Variants in DOCK9 observed in about 807,000 individuals in gnomAD.
DOCK9 encodes dedicator of cytokinesis 9, also known as dedicator of cytokinesis protein 9.
A neutral mutation model predicts 263.3 loss-of-function variants in DOCK9; 89 were observed. The ratio of observed to expected loss-of-function variants is 0.34; its 90% CI spans 0.28 to 0.40. DOCK9 has a LOEUF of 0.40. Ranked by LOEUF, DOCK9 falls within the 10% of genes least tolerant of loss-of-function variation. The probability of loss-of-function intolerance (pLI) is 1.00; values close to 1 mark genes in which losing one functional copy is unlikely to be tolerated. For missense variants in DOCK9, 2,140 were observed against 2,603.4 expected, an observed-to-expected ratio of 0.82 and a Z score of 3.87; for synonymous variants, 976 against 973.1, an observed-to-expected ratio of 1.00 and a Z score of -0.06.
Position 98,950,040 on chromosome 13 carries a change from C to T in DOCK9, c.243+5395G>A. 6.4e-6 allele frequency: 3 copies of T among 471,822 alleles called. No individual in the cohort carries two copies. In the Admixed American group the frequency reaches 7.9e-5, roughly 12 times the overall value. The allele number at this position is 471,822 out of a possible 1,614,324, so 29.2% of individuals were successfully genotyped here. ...CTTTAGATTGGAAATCCCCAGTTCA[C>T]ATAAGGTTCTACTATAAGCAACATT... On this transcript the variant is annotated intron_variant, in intron 2 of 52. Transcript: ENST00000682017.
intron 27 of DOCK9, among the ~76,000 whole-genome samples, chr13:98,879,075 G>T (rs1181678782): frequency 6.6e-6 from 1 of 152,182 alleles, no homozygotes; most frequent in African/African-American, 2.4e-5. Flanking sequence ...CCAGGACTCT[G>T]CAGGTCTCAG....
intron 44 of DOCK9, among the ~76,000 whole-genome samples, chr13:98,824,786 G>A (rs1173371412): frequency 2.0e-5 from 3 of 152,046 alleles, no homozygotes; most frequent in African/African-American, 7.2e-5. Context: ...CTGAGAAATA[G>A]GTATTAAATC....
chr13:98,904,995 A>G (rs957385739), intron 9 of DOCK9, among the ~76,000 whole-genome samples: 2 of 152,234 alleles, frequency 1.3e-5, no homozygotes, highest in African/African-American at 4.8e-5. Flanking sequence ...GTGTGTCAAG[A>G]AAGGCTTCAT....
chr13:98,970,560 A>G (rs762431721), intron 1 of DOCK9, among the ~76,000 whole-genome samples: 18 of 152,146 alleles, frequency 1.2e-4, no homozygotes, highest in Non-Finnish European at 2.6e-4. Flanking sequence ...CTCCATATTA[A>G]GGAAATCCCA....
At chr13:99,050,180 G>A (rs868380385) in intron 1 of DOCK9, among the ~76,000 whole-genome samples, 1 of 152,132 alleles carries the variant, frequency 6.6e-6, no homozygotes, top group Non-Finnish European at 1.5e-5. Flanking sequence ...CACATAGCAT[G>A]TGTAGTTTAT....
intron 1 of DOCK9, among the ~76,000 whole-genome samples, chr13:98,986,823 T>C (rs915305741): frequency 6.6e-6 from 1 of 152,116 alleles, no homozygotes; most frequent in Non-Finnish European, 1.5e-5. Flanking sequence ...TGGGTGCTTG[T>C]AAAATATGTA....
intron 1 of DOCK9, among the ~76,000 whole-genome samples, chr13:99,051,855 C>CAAAAAA (rs11392986): frequency 0.021 from 2,186 of 105,884 alleles, 147 homozygotes; most frequent in Non-Finnish European, 0.031. Context: ...CCACTAGTGG[C>CAAAAAA]AAAAAAAAAA....
chr13:98,970,123 T>C (rs1212924260), intron 1 of DOCK9, among the ~76,000 whole-genome samples: 3 of 148,092 alleles, frequency 2.0e-5, no homozygotes, highest in Admixed American at 6.8e-5. Flanking sequence ...TCTTCCCAAA[T>C]AGCTAGGACT....
chr13:98,941,355 T>G (rs1474316362), intron 2 of DOCK9, among the ~76,000 whole-genome samples: 3 of 152,184 alleles, frequency 2.0e-5, no homozygotes, highest in Non-Finnish European at 4.4e-5. Context: ...CAGCAACACG[T>G]GAGACTTTAG....
chr13:98,970,052 T>C (rs375160680), intron 1 of DOCK9, among the ~76,000 whole-genome samples: 2 of 152,200 alleles, frequency 1.3e-5, no homozygotes, highest in African/African-American at 4.8e-5. Context: ...TGGAGTGCAG[T>C]AGCTCCACCA....
In DOCK9 at chr13:98,809,409, G is replaced by T; in HGVS notation, c.5310C>A (p.Val1770=). The change falls in exon 47 of 53, where the codon GTC becomes GTA. Residue 1770 remains valine, a synonymous_variant. Transcript: ENST00000682017. ...CCAGAAGCCTGCGGCCCGAGTGCAT[G>T]ACCTCGGTCACTTTGCTGTAGGCCC... ...LHRAYSKVTE[V]MHSGRRLLGT... is the part of the protein sequence containing the mutation. 1.2e-6 allele frequency: 2 copies of T among 1,613,670 alleles called. No individual in the cohort carries two copies. The highest frequency in any genetic ancestry group is 1.7e-6 in the Non-Finnish European group (2 of 1,179,820).
At chr13:98,971,615 G>A (rs1451113351) in intron 1 of DOCK9, among the ~76,000 whole-genome samples, 1 of 151,934 alleles carries the variant, frequency 6.6e-6, no homozygotes, top group East Asian at 1.9e-4. Context: ...GGCTGAGGCA[G>A]GAGAATGGCA....
chr13:98,831,597 A>G, intron 40 of DOCK9, 52 bp downstream of exon 40: 1 of 1,601,456 alleles, frequency 6.2e-7, no homozygotes, highest in South Asian at 1.1e-5. Context: ...TGTACCCTTC[A>G]ATTCCGGGGG....
chr13:99,015,750 G>A, intron 1 of DOCK9: 1 of 1,340,892 alleles, frequency 7.5e-7, no homozygotes, highest in African/African-American at 1.5e-5. Flanking sequence ...GAAGCTCTGA[G>A]CTGCCGTACT....
At position 98,837,522 on chromosome 13, in the gene DOCK9, G is replaced by A. The variant is rs757408692; in HGVS notation, c.4286C>T (p.Thr1429Met). 3.7e-6 allele frequency: 6 copies of A among 1,613,232 alleles called. No homozygotes were observed. The highest frequency in any genetic ancestry group is 1.3e-5 in the African/African-American group (1 of 75,010). ...ATEVCLTALD[T>M]LSLFTLAFKN... is the part of the protein sequence containing the mutation. ...AAACGCCAATGTAAATAGAGAAAGC[G>A]TGTCCAGAGCTGTCAGGCAAACCTC... Residue 1429 changes from threonine (T) to methionine (M), a missense_variant, in exon 39 of 53, where the codon ACG becomes ATG. Transcript: ENST00000682017.
chr13:99,033,468 C>T (rs1365321658), intron 1 of DOCK9, among the ~76,000 whole-genome samples: 1 of 152,204 alleles, frequency 6.6e-6, no homozygotes, highest in African/African-American at 2.4e-5. Flanking sequence ...ATCACAAAGG[C>T]AAATGAACTA....
intron 1 of DOCK9, among the ~76,000 whole-genome samples, chr13:98,985,575 C>T (rs1044183227): frequency 7.9e-5 from 12 of 152,150 alleles, no homozygotes; most frequent in Admixed American, 6.5e-5. Flanking sequence ...TGGACACCAA[C>T]GGTTTTTCTG....
At chr13:98,908,742 A>C (rs925536896) in intron 9 of DOCK9, among the ~76,000 whole-genome samples, 15 of 152,226 alleles carry the variant, frequency 9.9e-5, no homozygotes, top group African/African-American at 3.4e-4. Context: ...CCGGTTATTA[A>C]CTTCAGTGTT....
intron 45 of DOCK9, among the ~76,000 whole-genome samples, chr13:98,820,121 T>C (rs577904436): frequency 2.0e-5 from 3 of 152,364 alleles, no homozygotes; most frequent in South Asian, 2.1e-4. Context: ...TGGGAGCCTC[T>C]GGTTACAACA....
Sources: gnomAD v4.1 joint callset for allele counts (sites outside exome capture counted in the v4.1 genomes callset) on GRCh38, gnomAD v4.1.1 for gene constraint, MANE v1.5 for transcripts, NCBI Gene and HGNC (gene_info 2026-07-23, HGNC 2026-07-21) for gene names.